Variants in MAF observed in about 807,000 individuals in gnomAD.
MAF encodes MAF bZIP transcription factor.
A neutral mutation model predicts 22.0 loss-of-function variants in MAF; 10 were observed. That is an observed-to-expected ratio of 0.45 (90% CI 0.28 to 0.77). The LOEUF is 0.77. MAF is among the 30% of genes least tolerant of loss of function. MAF has a pLI of 0.12. For missense variants in MAF, 544 were observed against 548.4 expected, an observed-to-expected ratio of 0.99 and a Z score of 0.08; for synonymous variants, 337 against 255.8, an observed-to-expected ratio of 1.32 and a Z score of -3.03.
At chr16:79,510,029 A>G in the MAF span, among the ~76,000 whole-genome samples, 1 of 152,208 alleles carries the variant, frequency 6.6e-6, no homozygotes, top group Non-Finnish European at 1.5e-5. Context: ...ATGGCAGAAC[A>G]GTTACAAAGT....
At chr16:79,235,395 A>G in the MAF span, among the ~76,000 whole-genome samples, 4 of 151,836 alleles carry the variant, frequency 2.6e-5, no homozygotes, top group African/African-American at 9.7e-5. Context: ...CCTAGAAAAA[A>G]TAAAAAATAA....
At chr16:79,552,632 C>G in the MAF span, among the ~76,000 whole-genome samples, 1 of 152,220 alleles carries the variant, frequency 6.6e-6, no homozygotes, top group Non-Finnish European at 1.5e-5. Context: ...TCCCCTCCCC[C>G]TTGGGCCCCT....
In MAF at chr16:79,600,568, G is replaced by A. The variant is rs879244606; in HGVS notation, c.-666C>T. On this transcript the variant is annotated 5_prime_UTR_variant, in exon 1 of 2. Coordinates refer to ENST00000326043, the MANE Select transcript of MAF (RefSeq NM_005360.5). ...AGAGGTGCAGCCCGACTGGAGGAGA[G>A]GGAGGGGGGAGTTTAGTTCTTTCTT... 1 of 195,904 alleles carries A rather than the reference G, an allele frequency of 5.1e-6. No individual in the cohort carries two copies. The highest frequency in any genetic ancestry group is 6.3e-5 in the Admixed American group (1 of 15,908). 12.1% of individuals were successfully genotyped at this position (195,904 alleles called of 1,614,324 possible). A position where few individuals can be genotyped will look rare whatever the true frequency, so the allele number is the denominator to read the frequency against.
the MAF span, among the ~76,000 whole-genome samples, chr16:79,215,615 G>A: frequency 2.0e-5 from 3 of 152,126 alleles, no homozygotes; most frequent in African/African-American, 7.2e-5. Flanking sequence ...CACATCTGCA[G>A]GCTGACAACA....
chr16:79,309,106 T>C, the MAF span, among the ~76,000 whole-genome samples: 11 of 152,132 alleles, frequency 7.2e-5, no homozygotes, highest in Non-Finnish European at 1.2e-4. Context: ...CAAAAGGCTA[T>C]AGCAGTGCAA....
the MAF span, among the ~76,000 whole-genome samples, chr16:79,217,262 C>A: frequency 6.6e-6 from 1 of 152,214 alleles, no homozygotes. Flanking sequence ...ACAGCAGAGT[C>A]AGGATGTGAA....
rs138056779 is a variant in MAF at position 79,599,654 on chromosome 16, C to T, written c.249G>A (p.Glu83=). The T allele has an allele frequency of 5.6e-5, 91 of 1,611,896 alleles. No homozygotes were observed. Among genetic ancestry groups the T allele is most frequent in the Non-Finnish European group, 6.9e-5 (81 of 1,179,574 alleles). Reference sequence around the variant, plus strand: ...AGTAGTCTTCCAGGTGCGCCTTCTGCTCGCTGCCCGAGCCCGGGCTGGGCG... The same window carrying T: ...AGTAGTCTTCCAGGTGCGCCTTCTGTTCGCTGCCCGAGCCCGGGCTGGGCG... The part of the protein sequence containing the change: ...FSAPSPGSGS[E]QKAHLEDYYW... The change falls in exon 1 of 2, where the codon GAG becomes GAA. Residue 83 remains glutamate, a synonymous_variant. Transcript: ENST00000326043.
At chr16:79,513,322 G>A in the MAF span, among the ~76,000 whole-genome samples, 18 of 152,246 alleles carry the variant, frequency 1.2e-4, no homozygotes, top group Non-Finnish European at 2.2e-4. Flanking sequence ...GACTAGCTAT[G>A]TGGCCAAAAG....
At chr16:79,416,398 C>T in the MAF span, among the ~76,000 whole-genome samples, 1 of 151,796 alleles carries the variant, frequency 6.6e-6, no homozygotes, top group Non-Finnish European at 1.5e-5. Flanking sequence ...ACAGGCTTTA[C>T]TCTTACAAAC....
chr16:79,235,384 C>A, the MAF span, among the ~76,000 whole-genome samples: 6 of 151,688 alleles, frequency 4.0e-5, no homozygotes, highest in Non-Finnish European at 7.4e-5. Flanking sequence ...AAGATACCAT[C>A]CCTAGAAAAA....
the MAF span, among the ~76,000 whole-genome samples, chr16:79,304,203 G>A: frequency 6.0e-4 from 92 of 152,272 alleles, 1 homozygote; most frequent in African/African-American, 1.9e-3. Context: ...GTTGTGACCT[G>A]TCGCACCCTG....
the MAF span, among the ~76,000 whole-genome samples, chr16:79,478,627 C>T: frequency 6.6e-6 from 1 of 152,148 alleles, no homozygotes; most frequent in Non-Finnish European, 1.5e-5. Flanking sequence ...GTACTATCCC[C>T]GTGTGTCATT....
At chr16:79,480,829 G>A in the MAF span, among the ~76,000 whole-genome samples, 1 of 152,184 alleles carries the variant, frequency 6.6e-6, no homozygotes, top group East Asian at 1.9e-4. Context: ...TGGGAAAACA[G>A]TTGGATGACA....
the MAF span, among the ~76,000 whole-genome samples, chr16:79,322,498 G>C: frequency 2.0e-5 from 3 of 152,172 alleles, no homozygotes; most frequent in Admixed American, 2.0e-4. Context: ...CTTTGCCACA[G>C]ATAAAAAGAA....
At chr16:79,397,201 G>A in the MAF span, among the ~76,000 whole-genome samples, 2 of 152,182 alleles carry the variant, frequency 1.3e-5, no homozygotes, top group African/African-American at 2.4e-5. Context: ...TGAATCCTTT[G>A]GCAATCTGTG....
the MAF span, among the ~76,000 whole-genome samples, chr16:79,370,438 A>G: frequency 6.6e-6 from 1 of 152,314 alleles, no homozygotes; most frequent in East Asian, 1.9e-4. Context: ...ACTAGATCTC[A>G]GCCTTCCCAC....
the MAF span, among the ~76,000 whole-genome samples, chr16:79,365,487 T>C: frequency 6.6e-6 from 1 of 151,978 alleles, no homozygotes; most frequent in African/African-American, 2.4e-5. Flanking sequence ...GTTAAAGGAG[T>C]GACTGATTGG....
the MAF span, among the ~76,000 whole-genome samples, chr16:79,214,894 C>G: frequency 1.3e-5 from 2 of 149,554 alleles, no homozygotes; most frequent in African/African-American, 4.9e-5. Context: ...TATTTTCAGT[C>G]GAGATGGGTT....
the MAF span, among the ~76,000 whole-genome samples, chr16:79,526,452 G>A: frequency 6.6e-6 from 1 of 152,166 alleles, no homozygotes; most frequent in African/African-American, 2.4e-5. Context: ...AAGCTTTGCT[G>A]CTGCTTACTT....
Sources: allele counts gnomAD v4.1 joint callset (sites outside exome capture counted in the v4.1 genomes callset), GRCh38; gene constraint gnomAD v4.1.1; transcripts MANE v1.5; gene names NCBI Gene and HGNC (gene_info 2026-07-23, HGNC 2026-07-21).